The following NAA35 variants were observed in gnomAD, a reference collection of about 807,000 sequenced individuals.
NAA35 encodes N-alpha-acetyltransferase 35, NatC auxiliary subunit.
Under a neutral mutation model 101.7 loss-of-function variants are expected in NAA35, and 18 were observed. The ratio of observed to expected loss-of-function variants is 0.18; its 90% confidence interval spans 0.12 to 0.26. NAA35 has a LOEUF of 0.26. Ranked by LOEUF, NAA35 falls within the 10% of genes least tolerant of loss-of-function variation. The pLI is 1.00. For synonymous variants in NAA35, 267 were observed against 273.1 expected (o/e 0.98, Z 0.22); for missense variants, 601 against 886.8 (o/e 0.68, Z 4.09).
chr9:85,953,480 G>A (rs922659678), intron 2 of NAA35, among the ~76,000 whole-genome samples: 1 of 152,148 alleles, frequency 6.6e-6, no homozygotes, highest in Non-Finnish European at 1.5e-5. Context: ...AGGATGGAGT[G>A]CAATGGTGCA....
chr9:86,017,029 G>C (rs1276092412), intron 18 of NAA35, among the ~76,000 whole-genome samples: 1 of 152,250 alleles, frequency 6.6e-6, no homozygotes, highest in Non-Finnish European at 1.5e-5. Flanking sequence ...GTGGTAGCGG[G>C]CACCGAAAGG....
intron 2 of NAA35, among the ~76,000 whole-genome samples, chr9:85,955,353 TATATA>T (rs1199425710): frequency 0.011 from 803 of 71,670 alleles, 7 homozygotes; most frequent in Middle Eastern, 0.024. Flanking sequence ...TATATATATA[TATATA>T]TATTTTTTTT....
intron 8 of NAA35, 101 bp downstream of exon 8, chr9:85,975,258 G>C: frequency 8.4e-7 from 1 of 1,186,140 alleles, no homozygotes; most frequent in Non-Finnish European, 1.2e-6. Flanking sequence ...TCTCCTGTAT[G>C]TGCTTTGTAT....
intron 6 of NAA35, among the ~76,000 whole-genome samples, chr9:85,967,792 A>G (rs1829827437): frequency 6.9e-6 from 1 of 145,186 alleles, no homozygotes; most frequent in Non-Finnish European, 1.5e-5. Flanking sequence ...ACAGAGTGAG[A>G]CTGTCTCAAA....
chr9:85,949,600 T>G (rs555765185), intron 2 of NAA35, among the ~76,000 whole-genome samples: 16 of 152,180 alleles, frequency 1.1e-4, no homozygotes, highest in South Asian at 2.1e-4. Context: ...GCCCCTTTCT[T>G]TCCTATTTTT....
intron 11 of NAA35, among the ~76,000 whole-genome samples, chr9:85,994,079 C>T (rs926757169): frequency 6.6e-6 from 1 of 152,044 alleles, no homozygotes; most frequent in African/African-American, 2.4e-5. Flanking sequence ...AGGTTACTCT[C>T]ACCAATGACT....
At chr9:85,945,505 T>G (rs1228012434) in intron 2 of NAA35, among the ~76,000 whole-genome samples, 1 of 152,108 alleles carries the variant, frequency 6.6e-6, no homozygotes, top group South Asian at 2.1e-4. Context: ...TTGGTAAGAA[T>G]GTAATGGCAT....
chr9:85,984,024 CAA>C lies in NAA35; in HGVS notation c.877+5660_877+5661del, dbSNP rs146695687. Among the ~76,000 whole-genome samples, 166 of 102,970 alleles carry C rather than the reference CAA, an allele frequency of 1.6e-3. 1 individual carries two copies. The highest frequency in any genetic ancestry group is 1.5e-3 in the South Asian group (5 of 3,278). 67.6% of individuals were successfully genotyped at this position (102,970 alleles called of 152,430 possible). On this transcript the variant is annotated intron_variant, in intron 11 of 22. Transcript: ENST00000361671. ...AGAAGTATAGATCAGAAAATAGAAG[CAA>C]AAAAAAAAAAAAAAAATCACTGGAT... is the stretch of plus-strand genomic sequence containing the variant.
chr9:85,947,073 A>G (rs892441252), intron 2 of NAA35, among the ~76,000 whole-genome samples: 7 of 152,176 alleles, frequency 4.6e-5, no homozygotes, highest in Non-Finnish European at 1.0e-4. Context: ...GAATATTTGG[A>G]TCTGGGACTA....
chr9:86,017,662 T>G (rs1832294418), intron 19 of NAA35, 97 bp downstream of exon 19: 1 of 1,025,508 alleles, frequency 9.8e-7, no homozygotes, highest in South Asian at 1.7e-5. Context: ...CATATTATAA[T>G]TTCACCTTTG....
At chr9:86,018,659 T>C (rs1832353285) in intron 20 of NAA35, 40 bp from the exon 21 acceptor site, 2 of 1,597,070 alleles carry the variant, frequency 1.3e-6, no homozygotes, top group Non-Finnish European at 1.7e-6. Flanking sequence ...GAGTTGTTCA[T>C]ATTAAACGTG....
At chr9:85,966,577 A>G in intron 6 of NAA35, 1 of 1,170,702 alleles carries the variant, frequency 8.5e-7, no homozygotes, top group Non-Finnish European at 1.1e-6. Context: ...TTTTAACCTC[A>G]CCCACCTCTT....
In NAA35 at chr9:86,016,518, TAACA is replaced by T. The variant is rs1170528692; in HGVS notation, c.1569-20_1569-17del. ...TCTCATTTAGACATCTACCATTAACTAACATTTTGTATCCTTTAAGGTATCTCTC... is the reference window on the plus strand; with the variant it reads ...TCTCATTTAGACATCTACCATTAACTTTTTGTATCCTTTAAGGTATCTCTC... On this transcript the variant is annotated splice_polypyrimidine_tract_variant and intron_variant, in intron 17 of 22. Transcript: ENST00000361671. 1 of 1,604,944 alleles carries T rather than the reference TAACA, an allele frequency of 6.2e-7. No individual in the cohort carries two copies. Among genetic ancestry groups the T allele is most frequent in the African/African-American group, 1.3e-5 (1 of 74,462 alleles).
intron 21 of NAA35, among the ~76,000 whole-genome samples, 155 bp from the exon 22 acceptor site, chr9:86,020,734 A>G (rs1832496025): frequency 6.6e-6 from 1 of 152,152 alleles, no homozygotes; most frequent in Non-Finnish European, 1.5e-5. Context: ...GGGAGGCTGA[A>G]GTAGGAGGAT....
At chr9:86,001,455 G>A (rs1205494736) in intron 12 of NAA35, among the ~76,000 whole-genome samples, 2 of 152,008 alleles carry the variant, frequency 1.3e-5, no homozygotes, top group South Asian at 2.1e-4. Flanking sequence ...TTTTTGTCTC[G>A]ATGATCCATC....
intron 15 of NAA35, among the ~76,000 whole-genome samples, chr9:86,011,055 CAACGTGGAAA>C (rs1278452880): frequency 2.0e-5 from 3 of 150,752 alleles, no homozygotes; most frequent in Non-Finnish European, 4.4e-5. Flanking sequence ...CCAGCCTGAC[CAACGTGGAAA>C]AACCCTGTCT....
chr9:85,959,678 C>G (rs1181390965), intron 4 of NAA35, 115 bp from the exon 5 acceptor site: 2 of 639,566 alleles, frequency 3.1e-6, no homozygotes, highest in Non-Finnish European at 5.4e-6. Context: ...ATAGCATTTT[C>G]TTAGAATTGC....
chr9:86,016,821 T>C (rs777313913), intron 18 of NAA35, 146 bp downstream of exon 18: 1 of 725,066 alleles, frequency 1.4e-6, no homozygotes, highest in Non-Finnish European at 2.2e-6. Flanking sequence ...TGAGTCCCAG[T>C]ATCAATGACA....
At chr9:85,950,426 G>T (rs946614687) in intron 2 of NAA35, among the ~76,000 whole-genome samples, 3 of 152,118 alleles carry the variant, frequency 2.0e-5, no homozygotes, top group African/African-American at 7.2e-5. Context: ...TGTATTTTTA[G>T]CAGAGATGGG....
Sources: gnomAD v4.1 joint callset for allele counts (sites outside exome capture counted in the v4.1 genomes callset) on GRCh38, gnomAD v4.1.1 for gene constraint, MANE v1.5 for transcripts, NCBI Gene and HGNC (gene_info 2026-07-23, HGNC 2026-07-21) for gene names.